Variants in BAZ2B observed in about 807,000 individuals in gnomAD.
The protein encoded by BAZ2B is bromodomain adjacent to zinc finger domain 2B.
In BAZ2B, 91 loss-of-function variants were observed where a neutral mutation model predicts 246.0. The ratio of observed to expected loss-of-function variants is 0.37; its 90% confidence interval spans 0.31 to 0.44. The LOEUF (loss-of-function observed/expected upper bound fraction) is 0.44. Ranked by LOEUF, BAZ2B falls within the 20% of genes least tolerant of loss-of-function variation. The pLI, the probability that BAZ2B is intolerant of heterozygous loss-of-function variation, is 1.00. For synonymous variants in BAZ2B, 855 were observed against 860.0 expected (o/e 0.99, Z 0.10); for missense variants, 2,332 against 2,533.7 (o/e 0.92, Z 1.71).
At chr2:159,344,027 C>CAAAAAAAAAAAA (rs70994297) in intron 31 of BAZ2B, among the ~76,000 whole-genome samples, 1 of 96,914 alleles carries the variant, frequency 1.0e-5, no homozygotes, top group Non-Finnish European at 2.0e-5. Flanking sequence ...GACTCCATCT[C>CAAAAAAAAAAAA]AAAAAAAAAA....
chr2:159,513,693 C>T (rs1028038466), intron 2 of BAZ2B, among the ~76,000 whole-genome samples: 31 of 152,176 alleles, frequency 2.0e-4, no homozygotes, highest in African/African-American at 7.2e-4. Flanking sequence ...AATTTAACTG[C>T]TACTAGGCCA....
the BAZ2B span, among the ~76,000 whole-genome samples, chr2:159,667,641 T>G: frequency 6.8e-6 from 1 of 146,374 alleles, no homozygotes; most frequent in Non-Finnish European, 1.5e-5. Flanking sequence ...AATAAATAAA[T>G]AAAAGACTCT....
intron 2 of BAZ2B, among the ~76,000 whole-genome samples, chr2:159,553,952 A>G (rs1395370517): frequency 6.6e-6 from 1 of 152,110 alleles, no homozygotes; most frequent in Non-Finnish European, 1.5e-5. Context: ...CGGTAAACAT[A>G]TATTTGAACT....
chr2:159,624,156 C>T, the BAZ2B span, among the ~76,000 whole-genome samples: 1 of 152,214 alleles, frequency 6.6e-6, no homozygotes, highest in East Asian at 1.9e-4. Flanking sequence ...TTTCTCTTCT[C>T]TGGGCAGGGC....
the BAZ2B span, among the ~76,000 whole-genome samples, chr2:159,677,455 C>T: frequency 6.6e-6 from 1 of 151,946 alleles, no homozygotes; most frequent in Admixed American, 6.6e-5. Flanking sequence ...TAAGTTTTTA[C>T]AGTATGTTTT....
Position 159,343,807 on chromosome 2 carries a change from A to AT in BAZ2B, c.5454+3678_5454+3679insA, listed in dbSNP as rs2067198253. Reference sequence around the variant, plus strand: ...TTTGGGAGGCTGAGGCGGGCAGATCACAAGGTCAGGAGATCAAGACCATCC... The same window carrying AT: ...TTTGGGAGGCTGAGGCGGGCAGATCATCAAGGTCAGGAGATCAAGACCATCC... On this transcript the variant is annotated intron_variant, in intron 31 of 36. Coordinates refer to ENST00000392783, the MANE Select transcript of BAZ2B (RefSeq NM_013450.4). Among the ~76,000 whole-genome samples the AT allele has an allele frequency of 5.3e-5, 8 of 151,922 alleles. 1 individual carries two copies. Among genetic ancestry groups the AT allele is most frequent in the Admixed American group, 4.6e-4 (7 of 15,262 alleles).
At chr2:159,532,645 T>C (rs1225256406) in intron 2 of BAZ2B, among the ~76,000 whole-genome samples, 1 of 152,226 alleles carries the variant, frequency 6.6e-6, no homozygotes, top group Non-Finnish European at 1.5e-5. Flanking sequence ...TAAGTACTTA[T>C]GTTAATCATT....
the BAZ2B span, among the ~76,000 whole-genome samples, chr2:159,673,650 G>A: frequency 6.6e-6 from 1 of 151,126 alleles, no homozygotes; most frequent in East Asian, 1.9e-4. Flanking sequence ...CCCACAGACT[G>A]CACATCACAA....
the BAZ2B span, among the ~76,000 whole-genome samples, chr2:159,701,318 G>C: frequency 6.6e-6 from 1 of 151,922 alleles, no homozygotes; most frequent in East Asian, 1.9e-4. Flanking sequence ...AACAGAATCT[G>C]TTCTTTTTTT....
chr2:159,477,080 C>T (rs753770893), intron 3 of BAZ2B, among the ~76,000 whole-genome samples: 16 of 152,050 alleles, frequency 1.1e-4, no homozygotes, highest in Non-Finnish European at 1.9e-4. Context: ...CCGAGGAGGG[C>T]GGATCATGAG....
At chr2:159,419,181 G>A (rs1471580649) in intron 13 of BAZ2B, among the ~76,000 whole-genome samples, 2 of 152,064 alleles carry the variant, frequency 1.3e-5, no homozygotes, top group African/African-American at 4.8e-5. Context: ...AAAGCAAATT[G>A]ATCTTAAAGA....
chr2:159,555,065 G>C (rs2088886720), intron 2 of BAZ2B, among the ~76,000 whole-genome samples: 1 of 89,678 alleles, frequency 1.1e-5, no homozygotes. Context: ...TGGTGTATGT[G>C]GGGGGTGTGT....
the BAZ2B span, among the ~76,000 whole-genome samples, chr2:159,690,854 T>C: frequency 2.1e-5 from 3 of 143,580 alleles, no homozygotes; most frequent in African/African-American, 7.5e-5. Context: ...ATTTCTTCTG[T>C]TCTGTTGTAC....
intron 13 of BAZ2B, among the ~76,000 whole-genome samples, chr2:159,423,247 C>T (rs1408318474): frequency 5.9e-5 from 9 of 151,946 alleles, no homozygotes; most frequent in South Asian, 4.2e-4. Flanking sequence ...ACCTGGGAGG[C>T]GGGGCTTGCA....
chr2:159,681,916 G>A, the BAZ2B span, among the ~76,000 whole-genome samples: 11 of 147,902 alleles, frequency 7.4e-5, no homozygotes, highest in Non-Finnish European at 1.2e-4. Context: ...CAGAGACTCC[G>A]TCTCAAAAAT....
chr2:159,462,528 T>C (rs1166792816), intron 3 of BAZ2B: 8 of 950,582 alleles, frequency 8.4e-6, no homozygotes, highest in African/African-American at 4.8e-5. Flanking sequence ...TTTTCACTAA[T>C]TGCTGTCTGA....
At chr2:159,605,741 A>G (rs954513335) in intron 1 of BAZ2B, among the ~76,000 whole-genome samples, 1 of 152,176 alleles carries the variant, frequency 6.6e-6, no homozygotes, top group Non-Finnish European at 1.5e-5. Flanking sequence ...AATAATAATA[A>G]AAATTTAAAA....
chr2:159,576,326 T>C (rs922526789), intron 1 of BAZ2B, among the ~76,000 whole-genome samples: 6 of 152,088 alleles, frequency 3.9e-5, no homozygotes, highest in African/African-American at 1.2e-4. Flanking sequence ...TCAAAAGATG[T>C]TGACAGATAA....
upstream of BAZ2B, chr2:159,616,779 T>C (rs75350275): frequency 6.6e-6 from 1 of 152,196 alleles, no homozygotes; most frequent in Non-Finnish European, 1.5e-5. Context: ...ACTTAAAATG[T>C]TTTGTTTTGC....
Sources: allele counts gnomAD v4.1 joint callset (sites outside exome capture counted in the v4.1 genomes callset), GRCh38; gene constraint gnomAD v4.1.1; transcripts MANE v1.5; gene names NCBI Gene and HGNC (gene_info 2026-07-23, HGNC 2026-07-21).